NCKAP5: variants seen among roughly 807,000 people sequenced by gnomAD.
NCKAP5 encodes the protein nck-associated protein 5.
NCKAP5 carries 92 observed loss-of-function variants against 167.0 expected under a neutral mutation model. That is an observed-to-expected ratio of 0.55 (90% confidence interval 0.47 to 0.66). The LOEUF is 0.66. Ranked by LOEUF, NCKAP5 falls within the 30% of genes least tolerant of loss-of-function variation. NCKAP5 has a pLI of 0.00. For missense variants in NCKAP5, 2,378 were observed against 2,315.0 expected (o/e 1.03, Z -0.56); for synonymous variants, 891 against 877.4 (o/e 1.02, Z -0.27).
intron 6 of NCKAP5, among the ~76,000 whole-genome samples, chr2:133,001,702 G>A (rs1345277642): frequency 6.6e-6 from 1 of 152,044 alleles, no homozygotes; most frequent in African/African-American, 2.4e-5. Flanking sequence ...CATTTACTTG[G>A]CTGGGTATCA....
At chr2:133,524,433 T>C (rs1684707346) in intron 2 of NCKAP5, among the ~76,000 whole-genome samples, 1 of 152,216 alleles carries the variant, frequency 6.6e-6, no homozygotes, top group Non-Finnish European at 1.5e-5. Flanking sequence ...CTGATCCTTC[T>C]TTTCATTAAG....
At chr2:132,781,782 C>T (rs1683052294) in intron 14 of NCKAP5, among the ~76,000 whole-genome samples, 158 bp downstream of exon 14, 1 of 152,168 alleles carries the variant, frequency 6.6e-6, no homozygotes, top group Admixed American at 6.5e-5. Context: ...TATTTCATTG[C>T]TTAAATTCTG....
At chr2:132,850,961 G>T (rs933364103) in intron 11 of NCKAP5, among the ~76,000 whole-genome samples, 1 of 151,986 alleles carries the variant, frequency 6.6e-6, no homozygotes, top group Non-Finnish European at 1.5e-5. Context: ...GGCAATGTCC[G>T]TCATTCCAGT....
intron 3 of NCKAP5, among the ~76,000 whole-genome samples, chr2:133,341,812 A>C (rs2150769485): frequency 6.6e-6 from 1 of 152,342 alleles, no homozygotes; most frequent in Non-Finnish European, 1.5e-5. Flanking sequence ...TGGACTTTAA[A>C]GTTATATAGA....
intron 3 of NCKAP5, among the ~76,000 whole-genome samples, chr2:133,415,375 C>T (rs1259017288): frequency 1.3e-5 from 2 of 152,184 alleles, no homozygotes; most frequent in East Asian, 1.9e-4. Flanking sequence ...CAAATCATTT[C>T]ATATGAAACA....
chr2:133,333,885 C>T (rs1190749055), intron 3 of NCKAP5: 1 of 152,052 alleles, frequency 6.6e-6, no homozygotes, highest in East Asian at 1.9e-4. Context: ...TTCGGATGGC[C>T]CTGTGCAAGG....
At chr2:133,522,299 C>A (rs560926621) in intron 2 of NCKAP5, among the ~76,000 whole-genome samples, 1 of 152,232 alleles carries the variant, frequency 6.6e-6, no homozygotes, top group East Asian at 1.9e-4. Context: ...CTCCTCCAGC[C>A]CTTTCAACAC....
Position 133,023,755 on chromosome 2 carries a change from C to A in NCKAP5, c.342-29516G>T, listed in dbSNP as rs568533879. 3.5e-3 allele frequency among the ~76,000 whole-genome samples: 539 copies of A among 152,294 alleles called. 5 individuals are homozygous for A. The highest frequency in any genetic ancestry group is 0.012 in the African/African-American group (498 of 41,572). ...TAGGATAATGACCTCCAGCTGCATC[C>A]ACGCTGCTGCAGAGGACATGATTTC... On this transcript the variant is annotated intron_variant, in intron 6 of 19. Coordinates refer to ENST00000409261, the MANE Select transcript of NCKAP5 (RefSeq NM_207363.3).
intron 5 of NCKAP5, among the ~76,000 whole-genome samples, chr2:133,136,848 T>G (rs2149819698): frequency 6.6e-6 from 1 of 152,328 alleles, no homozygotes; most frequent in African/African-American, 2.4e-5. Context: ...TCTCCACGTA[T>G]TCATCAACCA....
At chr2:132,990,332 T>G (rs2077414305) in intron 7 of NCKAP5, among the ~76,000 whole-genome samples, 1 of 152,150 alleles carries the variant, frequency 6.6e-6, no homozygotes, top group Non-Finnish European at 1.5e-5. Context: ...CTCCCGAGCA[T>G]CCTATAAACT....
chr2:133,474,851 C>T (rs2151295414), intron 3 of NCKAP5, among the ~76,000 whole-genome samples: 2 of 151,888 alleles, frequency 1.3e-5, no homozygotes, highest in South Asian at 4.2e-4. Context: ...TGCTCTGTTG[C>T]CCAGGCTAGA....
chr2:133,117,575 T>C (rs3795847), intron 6 of NCKAP5: 38,774 of 152,038 alleles, frequency 0.26, 5,850 homozygotes, highest in East Asian at 0.56. Flanking sequence ...ATCTATTAGA[T>C]CTGTAGGATA....
At chr2:133,445,830 T>A (rs867093328) in intron 3 of NCKAP5, among the ~76,000 whole-genome samples, 4 of 152,112 alleles carry the variant, frequency 2.6e-5, no homozygotes, top group Non-Finnish European at 5.9e-5. Context: ...CTTGCGATAA[T>A]GTGACACCCC....
intron 6 of NCKAP5, among the ~76,000 whole-genome samples, chr2:133,111,265 C>T (rs2081900899): frequency 6.6e-6 from 1 of 152,162 alleles, no homozygotes; most frequent in South Asian, 2.1e-4. Flanking sequence ...AAAGAACCCT[C>T]TAAAAGCAGA....
At chr2:133,002,021 A>G (rs78288782) in intron 6 of NCKAP5, among the ~76,000 whole-genome samples, 2,233 of 152,176 alleles carry the variant, frequency 0.015, 47 homozygotes, top group African/African-American at 0.051. Context: ...ATATGAAAAT[A>G]TGGTATTATA....
the NCKAP5 span, among the ~76,000 whole-genome samples, chr2:133,654,058 G>A: frequency 2.0e-5 from 3 of 152,154 alleles, no homozygotes; most frequent in South Asian, 6.2e-4. Flanking sequence ...TTTGGCATCC[G>A]ACATCATTTT....
chr2:132,984,777 CAA>C (rs1041030903), intron 7 of NCKAP5, among the ~76,000 whole-genome samples: 4 of 151,584 alleles, frequency 2.6e-5, no homozygotes, highest in Non-Finnish European at 4.4e-5. Context: ...TCTAAAAAAA[CAA>C]AAGACAGTTT....
chr2:133,507,291 T>G (rs1197696727), intron 3 of NCKAP5, among the ~76,000 whole-genome samples: 1 of 152,194 alleles, frequency 6.6e-6, no homozygotes, highest in Non-Finnish European at 1.5e-5. Context: ...CTCTGACAGA[T>G]GGACCCCAGA....
At chr2:133,188,532 A>C (rs1401211501) in intron 5 of NCKAP5, among the ~76,000 whole-genome samples, 1 of 152,128 alleles carries the variant, frequency 6.6e-6, no homozygotes, top group Non-Finnish European at 1.5e-5. Context: ...ACATAGTTGG[A>C]AGTAAAGGAC....
Sources: allele counts gnomAD v4.1 joint callset (sites outside exome capture counted in the v4.1 genomes callset), GRCh38; gene constraint gnomAD v4.1.1; transcripts MANE v1.5; gene names NCBI Gene and HGNC (gene_info 2026-07-23, HGNC 2026-07-21).